NBPF12: variants seen among roughly 807,000 people sequenced by gnomAD.
NBPF12 encodes NBPF member 12.
In NBPF12, 115 loss-of-function variants were observed where a neutral mutation model predicts 146.4. That is an observed-to-expected ratio of 0.79 (90% CI 0.68 to 0.92). The LOEUF (loss-of-function observed/expected upper bound fraction) is 0.92. Among genes scored for constraint, NBPF12 ranks in the 40% least tolerant of loss-of-function variants. The probability of loss-of-function intolerance (pLI) is 0.00; values close to 1 mark genes in which losing one functional copy is unlikely to be tolerated. For synonymous variants in NBPF12, 385 were observed against 508.9 expected (o/e 0.76, Z 3.28); for missense variants, 1,205 against 1,326.8 (o/e 0.91, Z 1.43).
chr1:146,940,763 C>T (rs1445149201), intron 1 of NBPF12, among the ~76,000 whole-genome samples: 2 of 152,062 alleles, frequency 1.3e-5, no homozygotes, highest in East Asian at 1.9e-4. Flanking sequence ...CCAGTTACCC[C>T]ACATCCTTGC....
At chr1:146,970,116 G>C (rs1458432764) in intron 11 of NBPF12, among the ~76,000 whole-genome samples, 2 of 150,642 alleles carry the variant, frequency 1.3e-5, no homozygotes, top group African/African-American at 4.9e-5. Flanking sequence ...TGGTGTTGGG[G>C]AAGGCACTTG....
At position 146,974,824 on chromosome 1, in the gene NBPF12, G is replaced by A. The variant is rs1553887110; in HGVS notation, c.1887G>A (p.Lys629=). The A allele has an allele frequency of 2.1e-5, 26 of 1,261,778 alleles. 4 individuals carry two copies. In the Admixed American group the frequency reaches 3.2e-4, roughly 16 times the overall value. The allele number at this position is 1,261,778 out of a possible 1,614,324, so 78.2% of individuals were successfully genotyped here. A position where few individuals can be genotyped will look rare whatever the true frequency, so the allele number is the denominator to read the frequency against. Residue 629 remains lysine (K), a synonymous_variant, in exon 15 of 34, where the codon AAG becomes AAA. Transcript: ENST00000617844. ...AGGAGAAGCTTGCAGAGCAGCTGAAGCAAGCTGAGGAGCTCAGGTGAGGGG... is the reference window on the plus strand; with the variant it reads ...AGGAGAAGCTTGCAGAGCAGCTGAAACAAGCTGAGGAGCTCAGGTGAGGGG...
intron 15 of NBPF12, among the ~76,000 whole-genome samples, chr1:146,975,189 T>C (rs1656904260): frequency 1.5e-5 from 2 of 137,434 alleles, no homozygotes; most frequent in Non-Finnish European, 3.1e-5. Context: ...GAGAATCACC[T>C]CCTGACTGAC....
chr1:146,985,852 A>G (rs1182993048), intron 23 of NBPF12, 96 bp downstream of exon 26: 24,359 of 729,348 alleles, frequency 0.033, 2,293 homozygotes, highest in East Asian at 0.19. Context: ...CATGTTTTCA[A>G]CGAAGGTTGA....
intron 31 of NBPF12, 66 bp downstream of exon 34, chr1:146,992,112 C>G (rs1298217227): frequency 8.9e-6 from 5 of 559,232 alleles, no homozygotes; most frequent in South Asian, 8.0e-5. Flanking sequence ...TCAGGGAAAA[C>G]AGAGCGGGCT....
At position 146,960,249 on chromosome 1, in the gene NBPF12, A is replaced by T; in HGVS notation, c.106A>T (p.Arg36Ter). 1 of 1,411,882 alleles carries T rather than the reference A, an allele frequency of 7.1e-7. No individual in the cohort carries two copies. The highest frequency in any genetic ancestry group is 1.2e-5 in the South Asian group (1 of 86,454). The allele number at this position is 1,411,882 out of a possible 1,614,324, so 87.5% of individuals were successfully genotyped here. A position where few individuals can be genotyped will look rare whatever the true frequency, so the allele number is the denominator to read the frequency against. Residue 36 changes from arginine to a stop codon, truncating the protein, a stop_gained, in exon 4 of 34, where the codon AGA (arginine) becomes TGA (stop). Coordinates refer to ENST00000617844, the Ensembl canonical transcript of NBPF12. LOFTEE classifies it high-confidence loss of function. ...GTTGGCAGAGAACAAACAGCAGTTC[A>T]GAAACCTCAAAGAGAGATGTTTTCT...
chr1:146,962,306 G>A (rs1655899475), intron 5 of NBPF12, 43 bp downstream of exon 8: 9 of 1,496,858 alleles, frequency 6.0e-6, no homozygotes, highest in African/African-American at 2.8e-5. Context: ...TAGGTGTGTA[G>A]ATCTCTGAAG....
intron 11 of NBPF12, 34 bp from the exon 15 acceptor site, chr1:146,970,613 G>A (rs1553886247): frequency 1.3e-6 from 2 of 1,569,516 alleles, no homozygotes; most frequent in African/African-American, 2.8e-5. Context: ...AATGTGAAGT[G>A]GAAAATATCT....
intron 1 of NBPF12, among the ~76,000 whole-genome samples, chr1:146,941,724 A>G (rs1654811770): frequency 7.0e-6 from 1 of 143,084 alleles, no homozygotes; most frequent in African/African-American, 2.6e-5. Context: ...ACTGTACTCC[A>G]GCCTGGTTGA....
chr1:146,966,647 T>C, exon 9 of NBPF12: 1 of 1,480,750 alleles, frequency 6.8e-7, no homozygotes, highest in Non-Finnish European at 9.4e-7. Flanking sequence ...CTGGCCGGCT[T>C]CCTGGCCAAG....
rs1407920583 is a variant in NBPF12, at chr1:146,953,041, G to T, written c.-184+1552G>T. ...AGGGGAACAGCGGCGTGCCTGTAAA[G>T]GTCCTGTGGCGCCTCTCCTCTACAG... On this transcript the variant is annotated intron_variant, in intron 2 of 33. Transcript: ENST00000617844. Among the ~76,000 whole-genome samples, 22 of 151,256 alleles carry T rather than the reference G, an allele frequency of 1.5e-4. 1 individual carries two copies. In the South Asian group the frequency reaches 4.4e-3, roughly 30 times the overall value.
chr1:146,959,391 G>A (rs1400114964), intron 2 of NBPF12, among the ~76,000 whole-genome samples: 1,342 of 41,280 alleles, frequency 0.033, 15 homozygotes, highest in East Asian at 0.087. Context: ...GGGAGTCTGA[G>A]GCAGGAGAAT....
upstream of NBPF12, among the ~76,000 whole-genome samples, chr1:146,945,781 A>G (rs1304259674): frequency 1.3e-5 from 2 of 152,098 alleles, no homozygotes; most frequent in Non-Finnish European, 2.9e-5. Context: ...TTGATGAACC[A>G]CTGTTGATAC....
intron 2 of NBPF12, among the ~76,000 whole-genome samples, chr1:146,959,270 C>T (rs1186584730): frequency 0.014 from 799 of 55,574 alleles, 134 homozygotes; most frequent in African/African-American, 0.055. Context: ...GTCAGGAGAT[C>T]GAGACCATCC....
chr1:146,953,844 G>A (rs1655433746), intron 2 of NBPF12, among the ~76,000 whole-genome samples: 1 of 151,730 alleles, frequency 6.6e-6, no homozygotes, highest in Non-Finnish European at 1.5e-5. Flanking sequence ...ATGCAATAAA[G>A]TAAGAAAAAT....
intron 11 of NBPF12, among the ~76,000 whole-genome samples, chr1:146,970,038 G>C (rs1266927377): frequency 6.7e-6 from 1 of 149,464 alleles, no homozygotes; most frequent in Non-Finnish European, 1.5e-5. Context: ...TCTTTCAAGG[G>C]TCTGAAGCAT....
intron 1 of NBPF12, among the ~76,000 whole-genome samples, chr1:146,939,625 A>G (rs2746931): frequency 2.2e-4 from 33 of 151,896 alleles, no homozygotes; most frequent in South Asian, 6.2e-4. Context: ...TTTCTTTGAG[A>G]CTTCTTAGAT....
Position 146,972,930 on chromosome 1 carries a change from T to G in NBPF12, c.1771T>G (p.Cys591Gly), listed in dbSNP as rs1553886821. The G allele has an allele frequency of 1.4e-3, 1,333 of 959,508 alleles. 30 individuals are homozygous for G. The African/African-American group carries it at 0.016, about 11-fold the overall frequency. 59.4% of individuals were successfully genotyped at this position (959,508 alleles called of 1,614,324 possible). The change falls in exon 14 of 34, where the codon TGC becomes GGC. Residue 591 changes from cysteine to glycine, a missense_variant. By Grantham distance (159) the Cys-to-Gly change is radical (BLOSUM62 -3). Transcript: ENST00000617844. ...GAAATGTTTTGTAACTCAAGTGGCC[T>G]GCTTCCTGGCCAAGCAGCAGAACAA...
At chr1:146,962,362 A>T in intron 5 of NBPF12, 99 bp downstream of exon 8, 2 of 986,516 alleles carry the variant, frequency 2.0e-6, no homozygotes, top group Non-Finnish European at 3.2e-6. Flanking sequence ...TGGGCCAGGG[A>T]AAGGGCAGAA....
Sources: allele counts gnomAD v4.1 joint callset (sites outside exome capture counted in the v4.1 genomes callset), GRCh38; gene constraint gnomAD v4.1.1; transcripts MANE v1.5; gene names NCBI Gene and HGNC (gene_info 2026-07-23, HGNC 2026-07-21).